Variants in RNF168 observed in about 807,000 individuals in gnomAD.
RNF168 encodes the protein ring finger protein 168.
In RNF168, 34 loss-of-function variants were observed where a neutral mutation model predicts 34.9. That is an observed-to-expected ratio of 0.97 (90% CI 0.74 to 1.30). The LOEUF (loss-of-function observed/expected upper bound fraction) is 1.30, where lower values mean the gene tolerates loss of function less well. Among genes scored for constraint, RNF168 ranks in the 50% most tolerant of loss-of-function variants. RNF168 has a pLI of 0.00. For missense variants in RNF168, 725 were observed against 682.5 expected (o/e 1.06, Z -0.69); for synonymous variants, 264 against 254.7 (o/e 1.04, Z -0.35).
rs1732951504 is a variant in RNF168, at chr3:196,503,306, G to C, written c.-133C>G. 1 of 807,650 alleles carries C rather than the reference G, an allele frequency of 1.2e-6. No individual in the cohort carries two copies. The allele number at this position is 807,650 out of a possible 1,614,324, so 50.0% of individuals were successfully genotyped here. ...GCCCAGAAGCGTATCAGAATTCGGA[G>C]AACAGGAGCATCCAACACGTCTTGA... On this transcript the variant is annotated 5_prime_UTR_variant, in exon 1 of 6. Transcript: ENST00000318037.
chr3:196,483,826 T>G lies in RNF168; in HGVS notation c.624A>C (p.Thr208=). ...PLNSRKSDPV[T]PKSEKKSKNK... is the part of the protein sequence containing the mutation. ...TCTTACTTTTCTTTTCAGACTTGGG[T>G]GTAACTGGATCAGATTTTCTGGAAT... Residue 208 remains threonine, a synonymous_variant, in exon 4 of 6, where the codon ACA becomes ACC. Coordinates refer to ENST00000318037, the MANE Select transcript of RNF168 (RefSeq NM_152617.4). 1 of 1,608,010 alleles carries G rather than the reference T, an allele frequency of 6.2e-7. No homozygotes were observed. The highest frequency in any genetic ancestry group is 2.2e-5 in the East Asian group (1 of 44,830).
rs537930729 is a variant in RNF168, at chr3:196,503,152, T to C, written c.22A>G (p.Ile8Val). 9.9e-6 allele frequency: 16 copies of C among 1,613,934 alleles called. No homozygotes were observed. The South Asian group carries it at 1.2e-4, about 12-fold the overall frequency. ...CACTGGCACTCGGACAGCGAGGGGA[T>C]GGCGTCTTTGGGTAGAGCCATTTCA... is the stretch of plus-strand genomic sequence containing the variant. MALPKDA[I>V]PSLSECQCGI... The change falls in exon 1 of 6, where the codon ATC becomes GTC. Residue 8 changes from isoleucine (I) to valine (V), a missense_variant. By Grantham distance (29) the Ile-to-Val change is conservative. Coordinates refer to ENST00000318037, the MANE Select transcript of RNF168 (RefSeq NM_152617.4).
At chr3:196,502,833 T>G in intron 1 of RNF168, 40 bp downstream of exon 1, 1 of 1,566,208 alleles carries the variant, frequency 6.4e-7, no homozygotes, top group African/African-American at 1.4e-5. Flanking sequence ...TTTCAAAGAC[T>G]TGCGGCTTTT....
intron 4 of RNF168, among the ~76,000 whole-genome samples, chr3:196,479,019 ATTTT>A (rs1045778969): frequency 7.4e-6 from 1 of 135,024 alleles, no homozygotes; most frequent in Admixed American, 7.7e-5. Flanking sequence ...TATTTTATTT[ATTTT>A]TTTTTGAGAC....
intron 1 of RNF168, among the ~76,000 whole-genome samples, chr3:196,495,065 A>G (rs557199324): frequency 6.6e-6 from 1 of 152,250 alleles, no homozygotes; most frequent in Non-Finnish European, 1.5e-5. Context: ...TTCTGCCTCA[A>G]TATTTATTTT....
At chr3:196,484,452 G>A (rs1732374769) in intron 3 of RNF168, among the ~76,000 whole-genome samples, 1 of 144,216 alleles carries the variant, frequency 6.9e-6, no homozygotes, top group African/African-American at 2.6e-5. Context: ...GGGATTACAG[G>A]CATGAGGCAC....
At position 196,487,404 on chromosome 3, in the gene RNF168, C is replaced by G; in HGVS notation, c.553G>C (p.Asp185His). ...CGTTCCCTCCTAAAACTTACAATAT[C>G]AATGCTTAGCTTTCTTGCCAGTTCC... ...DEELARKLSI[D>H]INNFCEGSIS... is the part of the protein sequence containing the mutation. The change falls in exon 3 of 6, where the codon GAT becomes CAT. Residue 185 changes from aspartate (D) to histidine (H), a missense_variant. Physicochemically the swap from Asp to His is moderately conservative, Grantham distance 81 (BLOSUM62 -1). Coordinates refer to ENST00000318037, the MANE Select transcript of RNF168 (RefSeq NM_152617.4). The G allele has an allele frequency of 1.2e-6, 2 of 1,613,710 alleles. No homozygotes were observed. Among genetic ancestry groups the G allele is most frequent in the Non-Finnish European group, 1.7e-6 (2 of 1,179,584 alleles).
chr3:196,488,530 C>CA (rs1482709289), intron 2 of RNF168, 77 bp downstream of exon 2: 8 of 908,078 alleles, frequency 8.8e-6, no homozygotes, highest in African/African-American at 1.7e-5. Context: ...TATATAAGCA[C>CA]AAAAAACTAA....
At chr3:196,495,329 T>C (rs968076489) in intron 1 of RNF168, among the ~76,000 whole-genome samples, 1 of 152,176 alleles carries the variant, frequency 6.6e-6, no homozygotes, top group African/African-American at 2.4e-5. Context: ...CATTGATATA[T>C]TACCCATCAT....
Position 196,472,440 on chromosome 3 carries a change from A to G in RNF168, c.1095T>C (p.Asn365=). The change falls in exon 6 of 6, where the codon AAT becomes AAC. Residue 365 remains asparagine, a synonymous_variant. Transcript: ENST00000318037. ...TTTCTGTCTCACCTGTGTTGTTTCC[A>G]TTTGTCTGTGTCACCCCTGATGTGG... is the stretch of plus-strand genomic sequence containing the variant. The part of the protein sequence containing the change: ...CAPTSGVTQT[N]GNNTGETENE... The G allele has an allele frequency of 6.2e-7, 1 of 1,613,626 alleles. No homozygotes were observed. The highest frequency in any genetic ancestry group is 8.5e-7 in the Non-Finnish European group (1 of 1,179,824).
intron 4 of RNF168, 178 bp from the exon 5 acceptor site, chr3:196,475,490 T>A (rs1732123303): frequency 1.6e-6 from 1 of 610,264 alleles, no homozygotes; most frequent in African/African-American, 1.9e-5. Flanking sequence ...CTTAAATGAT[T>A]GAGTATTGAT....
chr3:196,481,737 T>C (rs1421881047), intron 4 of RNF168, among the ~76,000 whole-genome samples: 2 of 134,880 alleles, frequency 1.5e-5, no homozygotes, highest in African/African-American at 5.6e-5. Context: ...CACTGCAGCT[T>C]CGACCTCTTG....
chr3:196,492,028 G>A (rs946922851), intron 1 of RNF168, among the ~76,000 whole-genome samples: 2 of 152,118 alleles, frequency 1.3e-5, no homozygotes, highest in African/African-American at 4.8e-5. Context: ...TTTCAAGCGT[G>A]GAAGATGAGA....
chr3:196,481,774 C>T (rs865914103), intron 4 of RNF168, among the ~76,000 whole-genome samples: 1 of 149,876 alleles, frequency 6.7e-6, no homozygotes, highest in Non-Finnish European at 1.5e-5. Flanking sequence ...CCACCTCAGC[C>T]TCCCAAGTGG....
chr3:196,500,929 T>G (rs1307898594), intron 1 of RNF168, among the ~76,000 whole-genome samples: 1 of 152,100 alleles, frequency 6.6e-6, no homozygotes, highest in Non-Finnish European at 1.5e-5. Context: ...GCCAGGATGG[T>G]CTCGATCTCC....
chr3:196,503,513 G>C lies in RNF168; in HGVS notation c.-340C>G. On this transcript the variant is annotated 5_prime_UTR_variant, in exon 1 of 6. Coordinates refer to ENST00000318037, the MANE Select transcript of RNF168 (RefSeq NM_152617.4). ...CGGGGCAGCGAGGGGAACGCGCCAA[G>C]TCCTCTCCTCCCCTCACCCGGAAAG... 2.6e-6 allele frequency: 1 copy of C among 378,276 alleles called. No homozygotes were observed. The highest frequency in any genetic ancestry group is 5.0e-6 in the Non-Finnish European group (1 of 198,218). The allele number at this position is 378,276 out of a possible 1,614,324, so 23.4% of individuals were successfully genotyped here. A position where few individuals can be genotyped will look rare whatever the true frequency, so the allele number is the denominator to read the frequency against.
At chr3:196,501,593 G>T (rs550556314) in intron 1 of RNF168, among the ~76,000 whole-genome samples, 1 of 152,278 alleles carries the variant, frequency 6.6e-6, no homozygotes, top group Admixed American at 6.5e-5. Flanking sequence ...GTGCCTCACG[G>T]TTAGAGTTTA....
rs2108643086 is a variant in RNF168 at position 196,470,694 on chromosome 3, C to G, written c.*1125G>C. On this transcript the variant is annotated 3_prime_UTR_variant, in exon 6 of 6. Coordinates refer to ENST00000318037, the MANE Select transcript of RNF168 (RefSeq NM_152617.4). Reference sequence around the variant, plus strand: ...TGATCCAGACTGTCAGTCACCCCATCCAGCCTCATCTGGACCAGTTTCCGA... The same window carrying G: ...TGATCCAGACTGTCAGTCACCCCATGCAGCCTCATCTGGACCAGTTTCCGA... 1 of 153,212 alleles carries G rather than the reference C, an allele frequency of 6.5e-6. No individual in the cohort carries two copies. Among genetic ancestry groups the G allele is most frequent in the Non-Finnish European group, 1.5e-5 (1 of 68,764 alleles). 9.5% of individuals were successfully genotyped at this position (153,212 alleles called of 1,614,324 possible). A position where few individuals can be genotyped will look rare whatever the true frequency, so the allele number is the denominator to read the frequency against.
chr3:196,493,851 A>ATT (rs1286264345), intron 1 of RNF168, among the ~76,000 whole-genome samples: 2 of 137,804 alleles, frequency 1.5e-5, no homozygotes, highest in African/African-American at 6.4e-5. Flanking sequence ...CTTTTTTTAA[A>ATT]TTTATTTTTT....
Sources: allele counts gnomAD v4.1 joint callset (sites outside exome capture counted in the v4.1 genomes callset), GRCh38; gene constraint gnomAD v4.1.1; transcripts MANE v1.5; gene names NCBI Gene and HGNC (gene_info 2026-07-23, HGNC 2026-07-21).